Variants in TF observed in about 807,000 individuals in gnomAD.
The protein encoded by TF is serotransferrin.
Under a neutral mutation model 82.4 loss-of-function variants are expected in TF, and 55 were observed. That is an observed-to-expected ratio of 0.67 (90% CI 0.54 to 0.84). The LOEUF is 0.84. Among genes scored for constraint, TF ranks in the 40% least tolerant of loss-of-function variants. The pLI is 0.00. For missense variants in TF, 737 were observed against 868.4 expected, an observed-to-expected ratio of 0.85 and a Z score of 1.90; for synonymous variants, 332 against 332.6, an observed-to-expected ratio of 1.00 and a Z score of 0.02.
chr3:133,732,317 C>T, the TF span, among the ~76,000 whole-genome samples: 2 of 152,214 alleles, frequency 1.3e-5, no homozygotes, highest in African/African-American at 2.4e-5. Flanking sequence ...CCAATCAGTG[C>T]TCTGTGTCTA....
chr3:133,750,590 G>A (rs947553667), intron 2 of TF, among the ~76,000 whole-genome samples: 2 of 151,996 alleles, frequency 1.3e-5, no homozygotes, highest in African/African-American at 4.8e-5. Flanking sequence ...AGCTGGCGCA[G>A]GTTCCCCTGG....
chr3:133,681,954 A>G, the TF span, among the ~76,000 whole-genome samples: 1 of 152,222 alleles, frequency 6.6e-6, no homozygotes, highest in African/African-American at 2.4e-5. Context: ...ACCTCCCAGT[A>G]GGGGCTGACT....
At chr3:133,703,324 A>G in the TF span, among the ~76,000 whole-genome samples, 1 of 152,218 alleles carries the variant, frequency 6.6e-6, no homozygotes, top group Non-Finnish European at 1.5e-5. Context: ...ATGGATGAAA[A>G]CATGTAAATA....
chr3:133,670,235 A>G, the TF span, among the ~76,000 whole-genome samples: 1 of 152,244 alleles, frequency 6.6e-6, no homozygotes, highest in Non-Finnish European at 1.5e-5. Flanking sequence ...CAAAAAGAGG[A>G]TGGCAATAGC....
chr3:133,717,557 G>A, the TF span, among the ~76,000 whole-genome samples: 5 of 152,256 alleles, frequency 3.3e-5, no homozygotes, highest in East Asian at 9.7e-4. Context: ...AGTTATAAAG[G>A]AGCAGTCAAA....
At chr3:133,767,374 G>A (rs1934153192) in intron 12 of TF, among the ~76,000 whole-genome samples, 2 of 152,170 alleles carry the variant, frequency 1.3e-5, no homozygotes, top group South Asian at 4.1e-4. Context: ...AAAAAGAAAA[G>A]GCCTCTAAAT....
chr3:133,669,842 A>T, the TF span, among the ~76,000 whole-genome samples: 1 of 152,248 alleles, frequency 6.6e-6, no homozygotes, highest in Admixed American at 6.5e-5. Context: ...CTATTATAGC[A>T]GTTAGTGCTA....
At chr3:133,706,351 C>G in the TF span, among the ~76,000 whole-genome samples, 1 of 152,188 alleles carries the variant, frequency 6.6e-6, no homozygotes, top group South Asian at 2.1e-4. Flanking sequence ...GTTGATCAGT[C>G]TTTAGAGTAG....
chr3:133,749,196 A>G (rs934669947), intron 2 of TF, among the ~76,000 whole-genome samples: 4 of 152,142 alleles, frequency 2.6e-5, no homozygotes, highest in African/African-American at 9.7e-5. Flanking sequence ...CCACTATCAA[A>G]ATTATTATAT....
chr3:133,756,049 A>G (rs1290700539), intron 5 of TF, among the ~76,000 whole-genome samples: 1 of 152,144 alleles, frequency 6.6e-6, no homozygotes, highest in Non-Finnish European at 1.5e-5. Context: ...TCACATGAAA[A>G]TATCTTCAGT....
Position 133,768,004 on chromosome 3 carries a change from G to C in TF, c.1487-25G>C, listed in dbSNP as rs1934166909. On this transcript the variant is annotated intron_variant, in intron 12 of 16. Coordinates refer to ENST00000402696, the MANE Select transcript of TF (RefSeq NM_001063.4). ...TGCTTGCATTGACTCAGGAAAAGCT[G>C]ACTTCCTCTTGTCCTTCTGCACAGA... The C allele has an allele frequency of 6.8e-6, 11 of 1,613,998 alleles. No individual in the cohort carries two copies. In the East Asian group the frequency reaches 2.5e-4, roughly 36 times the overall value.
the TF span, among the ~76,000 whole-genome samples, chr3:133,714,368 T>C: frequency 1.3e-5 from 2 of 152,220 alleles, no homozygotes; most frequent in Admixed American, 6.5e-5. Context: ...TTCTCTTTTA[T>C]TCATAGACAC....
At chr3:133,716,391 A>G in the TF span, among the ~76,000 whole-genome samples, 1 of 151,956 alleles carries the variant, frequency 6.6e-6, no homozygotes, top group South Asian at 2.1e-4. Flanking sequence ...AGCCCACCTC[A>G]TCTCAGTTAA....
chr3:133,681,361 G>A, the TF span, among the ~76,000 whole-genome samples: 1 of 152,234 alleles, frequency 6.6e-6, no homozygotes, highest in Non-Finnish European at 1.5e-5. Context: ...GTGCAGGACA[G>A]TCGGTGCAGC....
At chr3:133,691,376 C>T in the TF span, among the ~76,000 whole-genome samples, 2 of 152,194 alleles carry the variant, frequency 1.3e-5, no homozygotes, top group Non-Finnish European at 2.9e-5. Context: ...GCTAGGTGCT[C>T]CTCTAGGTGC....
At chr3:133,701,327 C>T in the TF span, 1 of 152,198 alleles carries the variant, frequency 6.6e-6, no homozygotes, top group Non-Finnish European at 1.5e-5. Context: ...GTCTATTCGA[C>T]ATGGAGTATA....
chr3:133,687,087 T>A, the TF span, among the ~76,000 whole-genome samples: 4 of 152,106 alleles, frequency 2.6e-5, no homozygotes, highest in African/African-American at 7.2e-5. Context: ...GAGCAAACTA[T>A]CGCAAGGACG....
chr3:133,670,360 A>T, the TF span, among the ~76,000 whole-genome samples: 33 of 152,366 alleles, frequency 2.2e-4, 1 homozygote, highest in African/African-American at 6.0e-4. Context: ...GTGAAGTTTT[A>T]AAACTGTTTT....
intron 13 of TF, among the ~76,000 whole-genome samples, chr3:133,769,652 T>C (rs1404994891): frequency 6.6e-6 from 1 of 152,182 alleles, no homozygotes; most frequent in Non-Finnish European, 1.5e-5. Flanking sequence ...GATGCAGTAA[T>C]AGGCAGGTTC....
Sources: gnomAD v4.1 joint callset for allele counts (sites outside exome capture counted in the v4.1 genomes callset) on GRCh38, gnomAD v4.1.1 for gene constraint, MANE v1.5 for transcripts, NCBI Gene and HGNC (gene_info 2026-07-23, HGNC 2026-07-21) for gene names.